The following PRTG variants were observed in gnomAD, a reference collection of about 807,000 sequenced individuals.
PRTG encodes the protein immunoglobulin superfamily, DCC subclass, member 5.
In PRTG, 67 loss-of-function variants were observed where a neutral mutation model predicts 122.5. The observed-to-expected ratio is 0.55, with a 90% CI of 0.45 to 0.67. The LOEUF (loss-of-function observed/expected upper bound fraction) is 0.67, where lower values mean the gene tolerates loss of function less well. PRTG is among the 30% of genes least tolerant of loss of function. The pLI is 0.00. For synonymous variants in PRTG, 554 were observed against 501.1 expected (o/e 1.11, Z -1.41); for missense variants, 1,435 against 1,415.4 (o/e 1.01, Z -0.22).
chr15:55,639,930 T>C (rs1292628971), intron 12 of PRTG, 102 bp from the exon 13 acceptor site: 1 of 1,492,918 alleles, frequency 6.7e-7, no homozygotes, highest in Non-Finnish European at 8.9e-7. Flanking sequence ...AAGTTGATTT[T>C]AGGTCTTTCT....
chr15:55,620,768 C>T lies in PRTG; in HGVS notation c.3094-1G>A. On this transcript the variant is annotated splice_acceptor_variant, in intron 18 of 19. Coordinates refer to ENST00000389286, the MANE Select transcript of PRTG (RefSeq NM_173814.6). LOFTEE classifies it high-confidence loss of function. ...TATTAATTATCAGGTCAGTTCCTCC[C>T]TGAGGAAATAAAAGAGGGGAAATGT... The T allele has an allele frequency of 6.3e-7, 1 of 1,581,982 alleles. No individual in the cohort carries two copies. The highest frequency in any genetic ancestry group is 1.2e-5 in the South Asian group (1 of 84,652).
chr15:55,675,522 C>T lies in PRTG; in HGVS notation c.1543G>A (p.Asp515Asn), dbSNP rs2059497727. The T allele has an allele frequency of 6.2e-7, 1 of 1,605,882 alleles. No individual in the cohort carries two copies. The highest frequency in any genetic ancestry group is 8.5e-7 in the Non-Finnish European group (1 of 1,174,474). ...ATCTAGAATCATGTTTTCTTACCAT[C>T]CTCTAGAGTATTCTGTGTCACATGG... ...SDHVTQNTLE[D>N]VPLRPPEISL... The change falls in exon 9 of 20, where the codon GAT becomes AAT. Residue 515 changes from aspartate to asparagine, a missense_variant. Asp to Asn is a conservative substitution (Grantham distance 23, BLOSUM62 1). Coordinates refer to ENST00000389286, the MANE Select transcript of PRTG (RefSeq NM_173814.6).
chr15:55,658,948 T>C (rs1208793448), intron 11 of PRTG, among the ~76,000 whole-genome samples: 1 of 152,176 alleles, frequency 6.6e-6, no homozygotes, highest in Non-Finnish European at 1.5e-5. Flanking sequence ...AAGAGATGAA[T>C]CAATTGTGAT....
chr15:55,740,690 A>G lies in PRTG; in HGVS notation c.95-6T>C. On this transcript the variant is annotated splice_region_variant and splice_polypyrimidine_tract_variant and intron_variant, in intron 1 of 19. Coordinates refer to ENST00000389286, the MANE Select transcript of PRTG (RefSeq NM_173814.6). ...TTCGCTAAAGCACCACACTCCTATA[A>G]GGAAAAAAAAGGAGAACGGCACATC... The G allele has an allele frequency of 6.3e-7, 1 of 1,593,002 alleles. No homozygotes were observed. Among genetic ancestry groups the G allele is most frequent in the Non-Finnish European group, 8.5e-7 (1 of 1,171,770 alleles).
intron 2 of PRTG, among the ~76,000 whole-genome samples, chr15:55,701,184 G>A (rs1272438151): frequency 6.6e-6 from 1 of 152,146 alleles, no homozygotes; most frequent in Non-Finnish European, 1.5e-5. Context: ...ATGCAAACTG[G>A]TACTATCACT....
chr15:55,739,724 T>A lies in PRTG; in HGVS notation c.397+658A>T, dbSNP rs180818101. 1.1e-3 allele frequency among the ~76,000 whole-genome samples: 164 copies of A among 152,308 alleles called. 5 individuals carry two copies. In the South Asian group the frequency reaches 0.031, roughly 29 times the overall value. On this transcript the variant is annotated intron_variant, in intron 2 of 19. Coordinates refer to ENST00000389286, the MANE Select transcript of PRTG (RefSeq NM_173814.6). ...GGACAAATGGTTGATCTGATGGGGA[T>A]GTTAATACAAAAGAAATCATTAGAT...
Position 55,617,648 on chromosome 15 carries a change from A to G in PRTG, c.*2364T>C, listed in dbSNP as rs948602360. 3 of 152,176 alleles carry G rather than the reference A, an allele frequency of 2.0e-5. No individual in the cohort carries two copies. The highest frequency in any genetic ancestry group is 2.0e-4 in the Admixed American group (3 of 15,250). The allele number at this position is 152,176 out of a possible 1,614,324, so 9.4% of individuals were successfully genotyped here. ...AATAATTATCAAATAGTTATAGCCT[A>G]AAGTTCTATTGTAACTATAAGCCTA... On this transcript the variant is annotated 3_prime_UTR_variant, in exon 20 of 20. Transcript: ENST00000389286.
At chr15:55,661,083 T>G (rs867693599) in intron 11 of PRTG, among the ~76,000 whole-genome samples, 1 of 152,224 alleles carries the variant, frequency 6.6e-6, no homozygotes, top group Non-Finnish European at 1.5e-5. Flanking sequence ...CCCTATCTTT[T>G]GATCATGCCC....
chr15:55,685,978 T>C (rs977550257), intron 2 of PRTG, among the ~76,000 whole-genome samples: 2 of 152,134 alleles, frequency 1.3e-5, no homozygotes, highest in African/African-American at 4.8e-5. Flanking sequence ...TGCTAGGATG[T>C]TTATCTGCAA....
At chr15:55,679,492 A>G in intron 6 of PRTG, 47 bp from the exon 7 acceptor site, 1 of 1,469,164 alleles carries the variant, frequency 6.8e-7, no homozygotes, top group Non-Finnish European at 9.4e-7. Context: ...CCTAATAGGA[A>G]TGATGTAAAG....
chr15:55,670,341 T>A (rs2059462383), intron 11 of PRTG, among the ~76,000 whole-genome samples: 1 of 152,210 alleles, frequency 6.6e-6, no homozygotes, highest in Non-Finnish European at 1.5e-5. Flanking sequence ...TTCTATATAT[T>A]CATATTTTAA....
intron 1 of PRTG, among the ~76,000 whole-genome samples, chr15:55,741,323 A>T (rs1168872556): frequency 6.6e-6 from 1 of 152,136 alleles, no homozygotes; most frequent in Non-Finnish European, 1.5e-5. Context: ...AAAGTTGGTA[A>T]CTCTTGCTGC....
chr15:55,682,676 C>T (rs540221776), intron 3 of PRTG, among the ~76,000 whole-genome samples, 179 bp from the exon 4 acceptor site: 6 of 151,810 alleles, frequency 4.0e-5, no homozygotes, highest in Admixed American at 2.0e-4. Context: ...GCGATTCTCC[C>T]GCCTCAGCCT....
rs1004018935 is a variant in PRTG, at chr15:55,707,519, G to T, written c.398-23588C>A. Among the ~76,000 whole-genome samples, 7 of 152,272 alleles carry T rather than the reference G, an allele frequency of 4.6e-5. No individual in the cohort carries two copies. The South Asian group carries it at 1.2e-3, about 27-fold the overall frequency. ...AATGCGGAATGCATACTTCCTTTTA[G>T]AAATTTTTACCAAATTATATGCAAC... On this transcript the variant is annotated intron_variant, in intron 2 of 19. Transcript: ENST00000389286.
rs1277017441 is a variant in PRTG at position 55,673,817 on chromosome 15, C to CA, written c.1547-142dup. ...GCCCTAGCAGAGGTTTTCAGTGAAA[C>CA]AGAGTACAAACCAGAAAAAAGAAGA... On this transcript the variant is annotated intron_variant, in intron 9 of 19. Coordinates refer to ENST00000389286, the MANE Select transcript of PRTG (RefSeq NM_173814.6). 1.5e-5 allele frequency: 10 copies of CA among 649,454 alleles called. No homozygotes were observed. The East Asian group carries it at 2.4e-4, about 16-fold the overall frequency. The allele number at this position is 649,454 out of a possible 1,614,324, so 40.2% of individuals were successfully genotyped here.
Position 55,687,890 on chromosome 15 carries a change from C to T in PRTG, c.398-3959G>A, listed in dbSNP as rs528110769. Among the ~76,000 whole-genome samples, 9 of 152,310 alleles carry T rather than the reference C, an allele frequency of 5.9e-5. No homozygotes were observed. In the South Asian group the frequency reaches 1.7e-3, roughly 28 times the overall value. On this transcript the variant is annotated intron_variant, in intron 2 of 19. Coordinates refer to ENST00000389286, the MANE Select transcript of PRTG (RefSeq NM_173814.6). ...CTGAAAGAAAGAGGCAACCATGAAT[C>T]AACAATGAAAGTAAATTCCCTCCTT...
At chr15:55,723,752 CT>C (rs769469226) in intron 2 of PRTG, among the ~76,000 whole-genome samples, 37 of 127,106 alleles carry the variant, frequency 2.9e-4, no homozygotes, top group East Asian at 4.4e-4. Context: ...TTTCTTTTTT[CT>C]TTTTTTTTTT....
At chr15:55,648,216 T>C (rs1414977601) in intron 11 of PRTG, among the ~76,000 whole-genome samples, 1 of 152,196 alleles carries the variant, frequency 6.6e-6, no homozygotes, top group East Asian at 1.9e-4. Flanking sequence ...AGCAAGCACA[T>C]GGACCCAAAA....
At position 55,620,712 on chromosome 15, in the gene PRTG, T is replaced by C. The variant is rs756909110; in HGVS notation, c.3149A>G (p.Lys1050Arg). The change falls in exon 19 of 20, where the codon AAG becomes AGG. Residue 1050 changes from lysine to arginine, a missense_variant. Lys to Arg is a conservative substitution (Grantham distance 26, BLOSUM62 2). Coordinates refer to ENST00000389286, the MANE Select transcript of PRTG (RefSeq NM_173814.6). ...SYGPIIKNNS[K>R]KKWFFFQDSK... is the part of the protein sequence containing the mutation. Reference sequence around the variant, plus strand: ...GTCTTGGAAAAAAAACCACTTTTTCTTAGAGTTGTTTTTAATTATAGGACC... The same window carrying C: ...GTCTTGGAAAAAAAACCACTTTTTCCTAGAGTTGTTTTTAATTATAGGACC... The C allele has an allele frequency of 1.2e-6, 2 of 1,603,226 alleles. No individual in the cohort carries two copies. The highest frequency in any genetic ancestry group is 2.3e-5 in the South Asian group (2 of 87,658).
Sources: allele counts gnomAD v4.1 joint callset (sites outside exome capture counted in the v4.1 genomes callset), GRCh38; gene constraint gnomAD v4.1.1; transcripts MANE v1.5; gene names NCBI Gene and HGNC (gene_info 2026-07-23, HGNC 2026-07-21).